Variants in AMDHD1 observed in about 807,000 individuals in gnomAD.
AMDHD1 encodes the protein amidohydrolase domain containing 1, also known as probable imidazolonepropionase.
Under a neutral mutation model 44.1 loss-of-function variants are expected in AMDHD1, and 45 were observed. The ratio of observed to expected loss-of-function variants is 1.02; its 90% CI spans 0.80 to 1.31. The LOEUF (loss-of-function observed/expected upper bound fraction) is 1.31, where lower values mean the gene tolerates loss of function less well. Among genes scored for constraint, AMDHD1 ranks in the 50% most tolerant of loss-of-function variants. AMDHD1 has a pLI of 0.00. For missense variants in AMDHD1, 586 were observed against 552.1 expected (o/e 1.06, Z -0.61); for synonymous variants, 206 against 205.0 (o/e 1.00, Z -0.04).
At position 95,967,760 on chromosome 12, in the gene AMDHD1, G is replaced by C; in HGVS notation, c.1198G>C (p.Glu400Gln). The change falls in exon 9 of 9, where the codon GAG becomes CAG. Residue 400 changes from glutamate to glutamine, a missense_variant. Glu to Gln is a conservative substitution (Grantham distance 29, BLOSUM62 2). Transcript: ENST00000266736. ...TGTTTTTTTTTTTTTTTCTAGATGG[G>C]AGCATTTGATTTACCAGTTCGGAGG... is the stretch of plus-strand genomic sequence containing the variant. ...DLIIINSSRW[E>Q]HLIYQFGGHH... The C allele has an allele frequency of 6.4e-7, 1 of 1,557,322 alleles. No homozygotes were observed. The highest frequency in any genetic ancestry group is 2.3e-5 in the East Asian group (1 of 43,230).
rs527274437 is a variant in AMDHD1 at position 95,965,540 on chromosome 12, T to G, written c.939-146T>G. ...GGAGTCCTTGGATTATATATGTAACTCTACCACTAATCATTTAATCTTGAG... is the reference window on the plus strand; with the variant it reads ...GGAGTCCTTGGATTATATATGTAACGCTACCACTAATCATTTAATCTTGAG... On this transcript the variant is annotated intron_variant, in intron 6 of 8. Transcript: ENST00000266736. 3 of 516,150 alleles carry G rather than the reference T, an allele frequency of 5.8e-6. No homozygotes were observed. The South Asian group carries it at 9.4e-5, about 16-fold the overall frequency. The allele number at this position is 516,150 out of a possible 1,614,324, so 32.0% of individuals were successfully genotyped here. A position where few individuals can be genotyped will look rare whatever the true frequency, so the allele number is the denominator to read the frequency against.
chr12:95,955,000 T>C (rs751216141), intron 3 of AMDHD1, 25 bp downstream of exon 3: 20 of 1,611,378 alleles, frequency 1.2e-5, no homozygotes, highest in East Asian at 2.2e-5. Context: ...TCATGGCAAA[T>C]CAAAATAAAG....
chr12:95,945,439 T>C (rs1299258538), intron 1 of AMDHD1, among the ~76,000 whole-genome samples: 2 of 152,232 alleles, frequency 1.3e-5, no homozygotes, highest in Non-Finnish European at 2.9e-5. Flanking sequence ...ATCACTGTCT[T>C]ATATATTAGG....
rs1018694556 is a variant in AMDHD1 at position 95,956,502 on chromosome 12, CAGTGTCTGGCAGACTAGGGGCTTCCA to C, written c.310-182_310-157del. The C allele has an allele frequency of 2.1e-5, 16 of 755,142 alleles. No homozygotes were observed. In the Admixed American group the frequency reaches 4.4e-4, roughly 21 times the overall value. The allele number at this position is 755,142 out of a possible 1,614,324, so 46.8% of individuals were successfully genotyped here. ...GACCCCTTCGGAGCTCCCCACAATC[CAGTGTCTGGCAGACTAGGGGCTTCCA>C]GGACTGTGTATCCCAGCACCTTTCT... On this transcript the variant is annotated intron_variant, in intron 3 of 8. Coordinates refer to ENST00000266736, the MANE Select transcript of AMDHD1 (RefSeq NM_152435.3).
chr12:95,960,590 T>G lies in AMDHD1; in HGVS notation c.780T>G (p.His260Gln). Reference sequence around the variant, plus strand: ...ATATAGGGTTACAGATTAACTTCCATGGGGATGAACTCCACCCGATGAAGG... The same window carrying G: ...ATATAGGGTTACAGATTAACTTCCAGGGGGATGAACTCCACCCGATGAAGG... ...GKDIGLQINF[H>Q]GDELHPMKAA... Residue 260 changes from histidine (H) to glutamine (Q), a missense_variant, in exon 5 of 9, where the codon CAT becomes CAG. Coordinates refer to ENST00000266736, the MANE Select transcript of AMDHD1 (RefSeq NM_152435.3). 1 of 1,614,216 alleles carries G rather than the reference T, an allele frequency of 6.2e-7. No individual in the cohort carries two copies. Among genetic ancestry groups the G allele is most frequent in the Non-Finnish European group, 8.5e-7 (1 of 1,180,030 alleles).
At chr12:95,956,184 C>T (rs1316363217) in intron 3 of AMDHD1, among the ~76,000 whole-genome samples, 1 of 152,216 alleles carries the variant, frequency 6.6e-6, no homozygotes, top group Non-Finnish European at 1.5e-5. Context: ...TCTCAGCTCC[C>T]TGCAACCTCC....
chr12:95,962,228 T>G (rs2080585761), intron 5 of AMDHD1, 127 bp from the exon 6 acceptor site: 1 of 1,362,966 alleles, frequency 7.3e-7, no homozygotes, highest in Non-Finnish European at 9.8e-7. Context: ...ATTGCACTAC[T>G]GCACCCAGCC....
At chr12:95,950,217 T>C (rs979688005) in intron 1 of AMDHD1, among the ~76,000 whole-genome samples, 2 of 152,236 alleles carry the variant, frequency 1.3e-5, no homozygotes, top group Non-Finnish European at 2.9e-5. Flanking sequence ...CTGTTAGTGA[T>C]GAAGAATTGT....
chr12:95,964,545 C>T (rs1436317593), intron 6 of AMDHD1, among the ~76,000 whole-genome samples: 1 of 152,078 alleles, frequency 6.6e-6, no homozygotes. Context: ...AAATGACTTG[C>T]AGGGACATTT....
At chr12:95,957,550 AG>A (rs2080558160) in intron 4 of AMDHD1, among the ~76,000 whole-genome samples, 1 of 152,176 alleles carries the variant, frequency 6.6e-6, no homozygotes, top group South Asian at 2.1e-4. Context: ...CTAAATAGGA[AG>A]GCTCATGGTT....
In AMDHD1 at chr12:95,962,423, C is replaced by T. The variant is rs2080587202; in HGVS notation, c.882C>T (p.Ala294=). ...LEEVSDEGIV[A]MATARCSAIL... ...AAGTGAGTGATGAAGGCATCGTTGC[C>T]ATGGCAACGGCCAGGTGCTCTGCCA... The change falls in exon 6 of 9, where the codon GCC becomes GCT. Residue 294 remains alanine, a synonymous_variant. Transcript: ENST00000266736. 1 of 1,613,994 alleles carries T rather than the reference C, an allele frequency of 6.2e-7. No homozygotes were observed. Among genetic ancestry groups the T allele is most frequent in the African/African-American group, 1.3e-5 (1 of 75,042 alleles).
intron 4 of AMDHD1, 82 bp from the exon 5 acceptor site, chr12:95,960,316 G>C (rs2080574318): frequency 8.1e-7 from 1 of 1,236,804 alleles, no homozygotes; most frequent in Admixed American, 2.2e-5. Flanking sequence ...CTGCTCCTCA[G>C]GTTCTTCAAG....
intron 2 of AMDHD1, among the ~76,000 whole-genome samples, chr12:95,953,964 T>C (rs888342121): frequency 3.3e-5 from 5 of 152,030 alleles, no homozygotes; most frequent in Admixed American, 2.6e-4. Context: ...GCAATCTGAG[T>C]AGGCGCTTTT....
At chr12:95,945,071 T>C (rs1592819400) in intron 1 of AMDHD1, among the ~76,000 whole-genome samples, 1 of 151,956 alleles carries the variant, frequency 6.6e-6, no homozygotes, top group African/African-American at 2.4e-5. Flanking sequence ...GAGGCGGAGG[T>C]TGCAGTGAGC....
intron 1 of AMDHD1, 45 bp downstream of exon 1, chr12:95,943,580 T>A: frequency 7.1e-7 from 1 of 1,403,348 alleles, no homozygotes. Context: ...CGGGCGGAGC[T>A]GGCCGCTCTT....
chr12:95,943,520 G>T lies in AMDHD1; in HGVS notation c.122G>T (p.Ser41Ile), dbSNP rs2080476040. 1.4e-6 allele frequency: 2 copies of T among 1,475,292 alleles called. No homozygotes were observed. The highest frequency in any genetic ancestry group is 1.8e-6 in the Non-Finnish European group (2 of 1,116,868). The allele number at this position is 1,475,292 out of a possible 1,614,324, so 91.4% of individuals were successfully genotyped here. A position where few individuals can be genotyped will look rare whatever the true frequency, so the allele number is the denominator to read the frequency against. ...AGCCTGGCGGTGCTGGAAGGCGCCAGCCTGGTGGTGGGCAAGTAAGTGGCC... is the reference window on the plus strand; with the variant it reads ...AGCCTGGCGGTGCTGGAAGGCGCCATCCTGGTGGTGGGCAAGTAAGTGGCC... ...LRSLAVLEGA[S>I]LVVGKDGFIK... Residue 41 changes from serine to isoleucine, a missense_variant, in exon 1 of 9, where the codon AGC becomes ATC. Coordinates refer to ENST00000266736, the MANE Select transcript of AMDHD1 (RefSeq NM_152435.3).
intron 6 of AMDHD1, among the ~76,000 whole-genome samples, chr12:95,964,240 ACT>A (rs1202847206): frequency 6.6e-6 from 1 of 151,694 alleles, no homozygotes; most frequent in Non-Finnish European, 1.5e-5. Flanking sequence ...TGAAGGCCAC[ACT>A]CTGCTTTCTG....
rs946063068 is a variant in AMDHD1 at position 95,962,353 on chromosome 12, A to C, written c.814-2A>C. On this transcript the variant is annotated splice_acceptor_variant, in intron 5 of 8. Transcript: ENST00000266736. LOFTEE classifies it high-confidence loss of function. ...CTTTCCCTCTCTGCCCATTCTCCTT[A>C]GCTTGGGGCTGAACTGGGAGCGCAG... The C allele has an allele frequency of 5.0e-6, 8 of 1,611,878 alleles. No homozygotes were observed. The highest frequency in any genetic ancestry group is 5.9e-6 in the Non-Finnish European group (7 of 1,178,674).
At chr12:95,958,880 A>T (rs1224262168) in intron 4 of AMDHD1, among the ~76,000 whole-genome samples, 1 of 152,098 alleles carries the variant, frequency 6.6e-6, no homozygotes, top group Non-Finnish European at 1.5e-5. Context: ...ACATGGAGAA[A>T]GCCTGTCTCT....
Sources: gnomAD v4.1 joint callset for allele counts (sites outside exome capture counted in the v4.1 genomes callset) on GRCh38, gnomAD v4.1.1 for gene constraint, MANE v1.5 for transcripts, NCBI Gene and HGNC (gene_info 2026-07-23, HGNC 2026-07-21) for gene names.